The following LRRC36 variants were observed in gnomAD, a reference collection of about 807,000 sequenced individuals.
LRRC36 encodes the protein leucine rich repeat containing 36, also known as leucine-rich repeat-containing protein 36.
A neutral mutation model predicts 81.1 loss-of-function variants in LRRC36; 62 were observed. The observed-to-expected ratio is 0.76, with a 90% CI of 0.62 to 0.94. LRRC36 has a LOEUF of 0.94. LRRC36 is among the 40% of genes least tolerant of loss of function. The pLI, the probability that LRRC36 is intolerant of heterozygous loss-of-function variation, is 0.00. For missense variants in LRRC36, 761 were observed against 881.7 expected (o/e 0.86, Z 1.73); for synonymous variants, 334 against 348.6 (o/e 0.96, Z 0.47).
intron 5 of LRRC36, among the ~76,000 whole-genome samples, chr16:67,353,396 TG>T (rs2038748016): frequency 6.6e-6 from 1 of 152,154 alleles, no homozygotes; most frequent in Non-Finnish European, 1.5e-5. Flanking sequence ...TGTTTTGTTT[TG>T]TTTTTTTGAG....
chr16:67,343,413 T>C (rs1267139468), intron 2 of LRRC36, among the ~76,000 whole-genome samples: 4 of 151,836 alleles, frequency 2.6e-5, no homozygotes, highest in African/African-American at 7.3e-5. Flanking sequence ...AAAAATCAAG[T>C]TGTCTGGTCA....
At chr16:67,347,454 C>A in intron 3 of LRRC36, 41 bp from the exon 4 acceptor site, 1 of 1,609,186 alleles carries the variant, frequency 6.2e-7, no homozygotes, top group South Asian at 1.1e-5. Context: ...ATGTCTATGC[C>A]AAAAAAAGAA....
At chr16:67,335,623 G>A (rs1478146617) in intron 1 of LRRC36, among the ~76,000 whole-genome samples, 2 of 152,148 alleles carry the variant, frequency 1.3e-5, no homozygotes, top group Non-Finnish European at 2.9e-5. Flanking sequence ...AGTATTGATT[G>A]GGGAAGTGAT....
chr16:67,328,066 G>A (rs778686946), intron 1 of LRRC36, among the ~76,000 whole-genome samples: 1 of 152,130 alleles, frequency 6.6e-6, no homozygotes, highest in Non-Finnish European at 1.5e-5. Flanking sequence ...TAGCTGAAGC[G>A]TATGATGTGC....
chr16:67,331,110 AGAG>A (rs2037469478), intron 1 of LRRC36, among the ~76,000 whole-genome samples: 1 of 143,020 alleles, frequency 7.0e-6, no homozygotes, highest in Non-Finnish European at 1.5e-5. Context: ...AGAGAGAGAG[AGAG>A]AAGACTGAAC....
At chr16:67,369,855 A>G (rs2039560120) in intron 8 of LRRC36, among the ~76,000 whole-genome samples, 1 of 152,172 alleles carries the variant, frequency 6.6e-6, no homozygotes, top group African/African-American at 2.4e-5. Context: ...GGTCCCTCCC[A>G]TGTCATGTGG....
In LRRC36 at chr16:67,382,199, A is replaced by T; in HGVS notation, c.1997A>T (p.Gln666Leu). 7 of 1,614,228 alleles carry T rather than the reference A, an allele frequency of 4.3e-6. No individual in the cohort carries two copies. The highest frequency in any genetic ancestry group is 4.0e-5 in the African/African-American group (3 of 75,070). ...QVACLNQELA[Q>L]LKKLEKTVAI... Reference sequence around the variant, plus strand: ...GCTTGCCTGAACCAGGAGCTTGCCCAGCTGAAAAAGCTGGAGAAGACAGTT... The same window carrying T: ...GCTTGCCTGAACCAGGAGCTTGCCCTGCTGAAAAAGCTGGAGAAGACAGTT... Residue 666 changes from glutamine (Q) to leucine (L), a missense_variant, in exon 13 of 14, where the codon CAG (glutamine) becomes CTG (leucine). By Grantham distance (113) the Gln-to-Leu change is moderately radical. Transcript: ENST00000329956.
At chr16:67,331,082 AG>A (rs1430458758) in intron 1 of LRRC36, among the ~76,000 whole-genome samples, 2 of 139,050 alleles carry the variant, frequency 1.4e-5, no homozygotes, top group Admixed American at 6.9e-5. Flanking sequence ...AGAGAGAGAG[AG>A]AGAGAGAGAG....
intron 1 of LRRC36, among the ~76,000 whole-genome samples, chr16:67,330,926 A>T (rs2142558612): frequency 1.3e-5 from 2 of 152,224 alleles, no homozygotes; most frequent in South Asian, 4.1e-4. Context: ...AGAATACCAT[A>T]GACTAGGTAA....
At chr16:67,353,491 A>G (rs1425898159) in intron 5 of LRRC36, among the ~76,000 whole-genome samples, 1 of 152,058 alleles carries the variant, frequency 6.6e-6, no homozygotes, top group Non-Finnish European at 1.5e-5. Context: ...AGTTCAAGCA[A>G]TTCTCGTGCC....
At chr16:67,327,922 T>G (rs1325088467) in intron 1 of LRRC36, among the ~76,000 whole-genome samples, 1 of 151,812 alleles carries the variant, frequency 6.6e-6, no homozygotes, top group Non-Finnish European at 1.5e-5. Context: ...GAGGGAGTTT[T>G]GGGAGGGTGG....
chr16:67,369,608 A>G (rs1243556675), intron 8 of LRRC36, among the ~76,000 whole-genome samples: 1 of 152,220 alleles, frequency 6.6e-6, no homozygotes, highest in Non-Finnish European at 1.5e-5. Context: ...CATACCCAAG[A>G]CAGGGTAATT....
chr16:67,382,286 T>C (rs1309235214), intron 13 of LRRC36, 39 bp downstream of exon 13: 1 of 1,393,480 alleles, frequency 7.2e-7, no homozygotes, highest in African/African-American at 1.4e-5. Flanking sequence ...TAGAAGCAGA[T>C]ATTTACTCCT....
At chr16:67,380,954 T>A (rs1157374540) in intron 12 of LRRC36, among the ~76,000 whole-genome samples, 1 of 152,226 alleles carries the variant, frequency 6.6e-6, no homozygotes, top group Non-Finnish European at 1.5e-5. Context: ...CTGGGCACAG[T>A]GGCTCACGCC....
Position 67,367,090 on chromosome 16 carries a change from A to G in LRRC36, c.828A>G (p.Val276=). ...AGATGACTAGAGAAGGGTACCAAGTATCTTTTTTGGACAATAAGTCTTCAG... is the reference window on the plus strand; with the variant it reads ...AGATGACTAGAGAAGGGTACCAAGTGTCTTTTTTGGACAATAAGTCTTCAG... ...PEKMTREGYQ[V]SFLDNKSSGS... is the part of the protein sequence containing the mutation. The change falls in exon 8 of 14, where the codon GTA becomes GTG. Residue 276 remains valine (V), a synonymous_variant. Transcript: ENST00000329956. 1 of 1,614,204 alleles carries G rather than the reference A, an allele frequency of 6.2e-7. No homozygotes were observed. The highest frequency in any genetic ancestry group is 1.1e-5 in the South Asian group (1 of 91,086).
rs2040133127 is a variant in LRRC36 at position 67,382,114 on chromosome 16, G to A, written c.1931-19G>A. ...CAGCTTGGAATCCTTTTCACCCCTG[G>A]CTACTGTGCCCTTTGTAGATGATCT... On this transcript the variant is annotated intron_variant, in intron 12 of 13. Transcript: ENST00000329956. 1 of 1,506,876 alleles carries A rather than the reference G, an allele frequency of 6.6e-7. No homozygotes were observed. Among genetic ancestry groups the A allele is most frequent in the African/African-American group, 1.4e-5 (1 of 72,748 alleles). 93.3% of individuals were successfully genotyped at this position (1,506,876 alleles called of 1,614,324 possible).
chr16:67,352,288 G>A (rs1353374617), intron 5 of LRRC36, among the ~76,000 whole-genome samples: 2 of 152,238 alleles, frequency 1.3e-5, no homozygotes, highest in African/African-American at 2.4e-5. Flanking sequence ...TCCCTGGGGA[G>A]TGTTGCCAGT....
intron 1 of LRRC36, among the ~76,000 whole-genome samples, chr16:67,336,356 A>G (rs535336718): frequency 2.2e-4 from 33 of 152,300 alleles, no homozygotes; most frequent in African/African-American, 7.7e-4. Context: ...AGTAAATACC[A>G]AGGGATTTAC....
chr16:67,370,116 C>T (rs150308556), intron 8 of LRRC36, among the ~76,000 whole-genome samples: 1 of 152,048 alleles, frequency 6.6e-6, no homozygotes, highest in African/African-American at 2.4e-5. Flanking sequence ...AATAAAAGCA[C>T]AGATAGTTCA....
Sources: allele counts gnomAD v4.1 joint callset (sites outside exome capture counted in the v4.1 genomes callset), GRCh38; gene constraint gnomAD v4.1.1; transcripts MANE v1.5; gene names NCBI Gene and HGNC (gene_info 2026-07-23, HGNC 2026-07-21).